Variants in CIT observed in about 807,000 individuals in gnomAD.
CIT encodes citron Rho-interacting kinase.
CIT carries 79 observed loss-of-function variants against 272.7 expected under a neutral mutation model. The observed-to-expected ratio is 0.29, with a 90% CI of 0.24 to 0.35. CIT has a LOEUF of 0.35. Ranked by LOEUF, CIT falls within the 10% of genes least tolerant of loss-of-function variation. The pLI, the probability that CIT is intolerant of heterozygous loss-of-function variation, is 1.00. For synonymous variants in CIT, 948 were observed against 995.6 expected (o/e 0.95, Z 0.90); for missense variants, 1,909 against 2,618.3 (o/e 0.73, Z 5.91).
At chr12:119,716,239 A>C (rs278096) in intron 32 of CIT, among the ~76,000 whole-genome samples, 1 of 151,820 alleles carries the variant, frequency 6.6e-6, no homozygotes, top group Non-Finnish European at 1.5e-5. Flanking sequence ...TTAGCCAGGC[A>C]TGGTGGCGCA....
Position 119,694,141 on chromosome 12 carries a change from C to T in CIT, c.5882+3518G>A, listed in dbSNP as rs1257932352. On this transcript the variant is annotated intron_variant, in intron 46 of 47. Coordinates refer to ENST00000392521, the MANE Select transcript of CIT (RefSeq NM_001206999.2). This position sits in a 1 kb window ranked among gnomAD's most constrained non-coding sequence, Gnocchi z 4.5. ...AGGCCAGTCCCACTTCCACACGCAG[C>T]TGGTGGGATGGCAAATGGGAGAAGC... 6.6e-6 allele frequency among the ~76,000 whole-genome samples: 1 copy of T among 152,218 alleles called. No homozygotes were observed. The highest frequency in any genetic ancestry group is 1.5e-5 in the Non-Finnish European group (1 of 68,044).
At chr12:119,777,661 C>T (rs1963900004) in intron 13 of CIT, among the ~76,000 whole-genome samples, 1 of 147,490 alleles carries the variant, frequency 6.8e-6, no homozygotes, top group Non-Finnish European at 1.5e-5. Flanking sequence ...CAGAGCAAGA[C>T]TCCGTCTCAA....
At chr12:119,803,827 A>G (rs1966415156) in intron 9 of CIT, among the ~76,000 whole-genome samples, 2 of 152,132 alleles carry the variant, frequency 1.3e-5, no homozygotes, top group Admixed American at 6.5e-5. Context: ...ATTAGCACTA[A>G]TCGTTGAAAT....
chr12:119,721,952 G>C (rs1957830737), intron 28 of CIT, among the ~76,000 whole-genome samples: 2 of 152,120 alleles, frequency 1.3e-5, no homozygotes, highest in African/African-American at 4.8e-5. Context: ...GTCCCATTAG[G>C]GTAAGAGACC....
At chr12:119,876,607 G>T (rs913512170) in intron 1 of CIT, among the ~76,000 whole-genome samples, 2 of 152,308 alleles carry the variant, frequency 1.3e-5, no homozygotes, top group East Asian at 1.9e-4. Context: ...GGACAATGGG[G>T]GTGAGATGGT....
intron 32 of CIT, among the ~76,000 whole-genome samples, chr12:119,717,838 C>CCTTTTTTTTTTTTTTTTT (rs1957598855): frequency 9.5e-4 from 77 of 81,346 alleles, no homozygotes; most frequent in Non-Finnish European, 1.6e-3. Context: ...TGACTTCTTT[C>CCTTTTTTTTTTTTTTTTT]TTTTTTTTTT....
At chr12:119,716,190 CA>C (rs1957460317) in intron 32 of CIT, among the ~76,000 whole-genome samples, 1 of 151,664 alleles carries the variant, frequency 6.6e-6, no homozygotes, top group African/African-American at 2.4e-5. Flanking sequence ...CCAGCCTGGC[CA>C]ACATGGTGAA....
Position 119,734,209 on chromosome 12 carries a change from C to T in CIT, c.3305G>A (p.Arg1102Gln), listed in dbSNP as rs781221253. 3 of 1,613,766 alleles carry T rather than the reference C, an allele frequency of 1.9e-6. No homozygotes were observed. In the South Asian group the frequency reaches 3.3e-5, roughly 18 times the overall value. The change falls in exon 26 of 48, where the codon CGG (arginine) becomes CAG (glutamine). Residue 1102 changes from arginine (R) to glutamine (Q), a missense_variant. This residue lies in a region of CIT where 530 missense variants were observed against 822.4 expected (regional missense o/e 0.64). Transcript: ENST00000392521. ...CAGCATTCTCTGCAGCTCTCGAACCCGACACTCAAACTGGGATTTCTCATC... is the reference window on the plus strand; with the variant it reads ...CAGCATTCTCTGCAGCTCTCGAACCTGACACTCAAACTGGGATTTCTCATC... ...LGDEKSQFEC[R>Q]VRELQRMLDT...
intron 9 of CIT, among the ~76,000 whole-genome samples, chr12:119,812,590 C>T (rs1327639401): frequency 6.6e-6 from 1 of 152,024 alleles, no homozygotes; most frequent in African/African-American, 2.4e-5. Flanking sequence ...CAGGTGCACA[C>T]CACCATACCC....
intron 4 of CIT, among the ~76,000 whole-genome samples, chr12:119,853,763 C>A (rs1970390781): frequency 6.6e-6 from 1 of 152,102 alleles, no homozygotes; most frequent in African/African-American, 2.4e-5. Flanking sequence ...TAAAAGGTGT[C>A]CAAGGAAGGC....
rs564189543 is a variant in CIT at position 119,767,073 on chromosome 12, G to C, written c.2304+14C>G. On this transcript the variant is annotated intron_variant, in intron 19 of 47. Coordinates refer to ENST00000392521, the MANE Select transcript of CIT (RefSeq NM_001206999.2). ...ATAGGAGCAAGGCCAGGGAAGATCA[G>C]AAAATGTCTTTACTTTAATCTTTTC... is the stretch of plus-strand genomic sequence containing the variant. The C allele has an allele frequency of 6.2e-7, 1 of 1,600,070 alleles. No homozygotes were observed. Among genetic ancestry groups the C allele is most frequent in the African/African-American group, 1.3e-5 (1 of 74,786 alleles).
chr12:119,798,728 G>A (rs1490476459), intron 10 of CIT, among the ~76,000 whole-genome samples: 1 of 152,196 alleles, frequency 6.6e-6, no homozygotes, highest in Non-Finnish European at 1.5e-5. Flanking sequence ...ATAAGACCCA[G>A]CCTTGCCTTG....
intron 2 of CIT, among the ~76,000 whole-genome samples, chr12:119,871,149 C>G (rs1950665832): frequency 6.7e-6 from 1 of 149,990 alleles, no homozygotes; most frequent in Non-Finnish European, 1.5e-5. Flanking sequence ...GAGTCCTGGG[C>G]TATACTACTG....
intron 5 of CIT, among the ~76,000 whole-genome samples, chr12:119,837,031 C>T (rs1969066329): frequency 6.6e-6 from 1 of 152,194 alleles, no homozygotes; most frequent in South Asian, 2.1e-4. Flanking sequence ...ACAAAAATTA[C>T]AACAGCTGCT....
chr12:119,780,613 T>C lies in CIT; in HGVS notation c.1665+1905A>G, dbSNP rs1015731118. Among the ~76,000 whole-genome samples, 3 of 152,158 alleles carry C rather than the reference T, an allele frequency of 2.0e-5. No individual in the cohort carries two copies. In the South Asian group the frequency reaches 6.2e-4, roughly 32 times the overall value. ...GCCTGGGTGACAGAGCGAGACTCCA[T>C]CTCAAAAAAATAAAGAGCGATATAG... On this transcript the variant is annotated intron_variant, in intron 13 of 47. Coordinates refer to ENST00000392521, the MANE Select transcript of CIT (RefSeq NM_001206999.2).
chr12:119,716,632 G>C (rs1957502424), intron 32 of CIT, among the ~76,000 whole-genome samples: 1 of 152,024 alleles, frequency 6.6e-6, no homozygotes, highest in African/African-American at 2.4e-5. Context: ...TAATCTCTAG[G>C]TAAATGGAGT....
At chr12:119,859,923 T>C (rs1213825799) in intron 3 of CIT, among the ~76,000 whole-genome samples, 2 of 152,072 alleles carry the variant, frequency 1.3e-5, no homozygotes, top group African/African-American at 2.4e-5. Context: ...CAAGGGACCC[T>C]CACCCACCTC....
chr12:119,828,687 C>T (rs1418260339), intron 7 of CIT, among the ~76,000 whole-genome samples: 4 of 152,016 alleles, frequency 2.6e-5, no homozygotes, highest in African/African-American at 4.8e-5. Context: ...CTCAGCCTCC[C>T]GAATAGCTGG....
At chr12:119,767,625 T>C (rs1962599588) in intron 18 of CIT, among the ~76,000 whole-genome samples, 1 of 152,232 alleles carries the variant, frequency 6.6e-6, no homozygotes, top group South Asian at 2.1e-4. Flanking sequence ...GAATTATTGC[T>C]CAAGAACCCT....
Sources: gnomAD v4.1 joint callset for allele counts (sites outside exome capture counted in the v4.1 genomes callset) on GRCh38, gnomAD v4.1.1 for gene constraint, gnomAD v4.1.1 regional missense constraint, Gnocchi (gnomAD v3.1) non-coding constraint, MANE v1.5 for transcripts, NCBI Gene and HGNC (gene_info 2026-07-23, HGNC 2026-07-21) for gene names.